Variants in CYGB observed in about 807,000 individuals in gnomAD.
CYGB encodes the protein histoglobin.
Under a neutral mutation model 20.7 loss-of-function variants are expected in CYGB, and 13 were observed. The ratio of observed to expected loss-of-function variants is 0.63; its 90% CI spans 0.41 to 1.00. The LOEUF (loss-of-function observed/expected upper bound fraction) is 1.00, where lower values mean the gene tolerates loss of function less well. CYGB is among the 50% of genes least tolerant of loss of function. The pLI, the probability that CYGB is intolerant of heterozygous loss-of-function variation, is 0.00. For missense variants in CYGB, 218 were observed against 257.2 expected (o/e 0.85, Z 1.04); for synonymous variants, 93 against 107.4 (o/e 0.87, Z 0.83).
At position 76,530,856 on chromosome 17, in the gene CYGB, G is replaced by T; in HGVS notation, c.539+123C>A. On this transcript the variant is annotated intron_variant, in intron 3 of 3. Coordinates refer to ENST00000293230, the MANE Select transcript of CYGB (RefSeq NM_134268.5). This position sits in a 1 kb window ranked among gnomAD's most constrained non-coding sequence, Gnocchi z 6.1. Reference sequence around the variant, plus strand: ...TCTTACATGTCAGACCCCAGGGTTGGCCTGCCTCAAGTGTGCCTGCCCAGG... The same window carrying T: ...TCTTACATGTCAGACCCCAGGGTTGTCCTGCCTCAAGTGTGCCTGCCCAGG... 2 of 1,129,448 alleles carry T rather than the reference G, an allele frequency of 1.8e-6. No homozygotes were observed. Among genetic ancestry groups the T allele is most frequent in the Non-Finnish European group, 2.5e-6 (2 of 813,998 alleles). The allele number at this position is 1,129,448 out of a possible 1,614,324, so 70.0% of individuals were successfully genotyped here.
chr17:76,540,260 G>GT (rs1413444581), upstream of CYGB: 6 of 933,108 alleles, frequency 6.4e-6, no homozygotes, highest in Admixed American at 1.0e-4. This position sits in a 1 kb window ranked among gnomAD's most constrained non-coding sequence, Gnocchi z 5.0. Context: ...TCGGGGGGGG[G>GT]GGGCATGGGG....
At chr17:76,538,447 G>A (rs1339653213), upstream of CYGB, 5 of 464,808 alleles carry the variant, frequency 1.1e-5, no homozygotes, top group African/African-American at 1.0e-4. Context: ...CCATGCCCTC[G>A]GTGCACGAAC....
At chr17:76,548,235 T>C (rs918308422) in intron 1 of CYGB, among the ~76,000 whole-genome samples, 6 of 151,614 alleles carry the variant, frequency 4.0e-5, no homozygotes, top group African/African-American at 1.5e-4. Context: ...ACACATAGCA[T>C]ACACATACAC....
In CYGB at chr17:76,530,051, G is replaced by C. The variant is rs924805867; in HGVS notation, c.539+928C>G. 2.6e-5 allele frequency: 26 copies of C among 985,312 alleles called. No homozygotes were observed. Among genetic ancestry groups the C allele is most frequent in the Non-Finnish European group, 2.8e-5 (23 of 829,932 alleles). 61.0% of individuals were successfully genotyped at this position (985,312 alleles called of 1,614,324 possible). A position where few individuals can be genotyped will look rare whatever the true frequency, so the allele number is the denominator to read the frequency against. ...GAACAGAAGGGCCGGCAGTCTTGGG[G>C]GCCCGTGCAGAGCCCGGCGGGAGAC... On this transcript the variant is annotated intron_variant, in intron 3 of 3. Transcript: ENST00000293230. The surrounding 1 kb of genome is among the most constrained non-coding windows in gnomAD (Gnocchi z 6.1).
At chr17:76,529,915 G>T (rs2074814713) in intron 3 of CYGB, 3 of 985,268 alleles carry the variant, frequency 3.0e-6, no homozygotes, top group Non-Finnish European at 3.6e-6. Flanking sequence ...ACGGGAGAGG[G>T]GGGAGGGGAG....
At chr17:76,529,010 T>G in intron 3 of CYGB, 1 of 995,338 alleles carries the variant, frequency 1.0e-6, no homozygotes, top group Non-Finnish European at 1.2e-6. Flanking sequence ...ATTCTCGTAT[T>G]CTCGGTACAC....
At chr17:76,536,474 G>C (rs1363384011) in intron 1 of CYGB, among the ~76,000 whole-genome samples, 1 of 152,172 alleles carries the variant, frequency 6.6e-6, no homozygotes, top group Non-Finnish European at 1.5e-5. Context: ...ATGGTCTGGG[G>C]CTCCTCTGCC....
At chr17:76,542,142 G>A (rs186587162), upstream of CYGB, among the ~76,000 whole-genome samples, 82 of 152,322 alleles carry the variant, frequency 5.4e-4, no homozygotes, top group African/African-American at 1.9e-3. Context: ...TGGCTAATGC[G>A]GGATGCTCAG....
At position 76,528,236 on chromosome 17, in the gene CYGB, G is replaced by A. The variant is rs564484579; in HGVS notation, c.*342C>T. ...TGATGTGGAGACCTGCATGCTGGCC[G>A]GGCTGATAGAAACGGGGCTGGTTTA... On this transcript the variant is annotated 3_prime_UTR_variant, in exon 4 of 4. Coordinates refer to ENST00000293230, the MANE Select transcript of CYGB (RefSeq NM_134268.5). This position sits in a 1 kb window ranked among gnomAD's most constrained non-coding sequence, Gnocchi z 5.8. 38 of 398,688 alleles carry A rather than the reference G, an allele frequency of 9.5e-5. No homozygotes were observed. In the East Asian group the frequency reaches 1.1e-3, roughly 11 times the overall value. 24.7% of individuals were successfully genotyped at this position (398,688 alleles called of 1,614,324 possible).
chr17:76,529,285 G>A (rs1018481474), intron 3 of CYGB: 1 of 985,294 alleles, frequency 1.0e-6, no homozygotes, highest in African/African-American at 1.7e-5. Context: ...AGGGATGAGG[G>A]GACCACCCCA....
upstream of CYGB, chr17:76,538,519 C>G (rs368994898): frequency 1.1e-5 from 5 of 466,082 alleles, no homozygotes; most frequent in South Asian, 3.1e-5. Flanking sequence ...CAAGAACCAG[C>G]CGCTGCCCTG....
intron 1 of CYGB, among the ~76,000 whole-genome samples, chr17:76,549,108 C>T (rs977326115): frequency 2.0e-5 from 3 of 152,164 alleles, no homozygotes; most frequent in African/African-American, 7.2e-5. Context: ...AAGCACTAAC[C>T]AGAAAAGAAA....
rs753379335 is a variant in CYGB, at chr17:76,528,812, T to C, written c.540-201A>G. ...GCTGTGTGATCTCAGGCAAGTCTAC[T>C]GGCCCATGGGAGCTCCGGATCTTTT... is the stretch of plus-strand genomic sequence containing the variant. On this transcript the variant is annotated intron_variant, in intron 3 of 3. Transcript: ENST00000293230. This position sits in a 1 kb window ranked among gnomAD's most constrained non-coding sequence, Gnocchi z 5.8. 36 of 1,118,586 alleles carry C rather than the reference T, an allele frequency of 3.2e-5. No individual in the cohort carries two copies. The highest frequency in any genetic ancestry group is 4.1e-5 in the Non-Finnish European group (36 of 881,978). The allele number at this position is 1,118,586 out of a possible 1,614,324, so 69.3% of individuals were successfully genotyped here.
rs902444184 is a variant in CYGB at position 76,528,461 on chromosome 17, T to G, written c.*117A>C. 1 of 995,264 alleles carries G rather than the reference T, an allele frequency of 1.0e-6. No homozygotes were observed. The highest frequency in any genetic ancestry group is 1.3e-6 in the Non-Finnish European group (1 of 752,250). The allele number at this position is 995,264 out of a possible 1,614,324, so 61.7% of individuals were successfully genotyped here. A position where few individuals can be genotyped will look rare whatever the true frequency, so the allele number is the denominator to read the frequency against. On this transcript the variant is annotated 3_prime_UTR_variant, in exon 4 of 4. Coordinates refer to ENST00000293230, the MANE Select transcript of CYGB (RefSeq NM_134268.5). The surrounding 1 kb of genome is among the most constrained non-coding windows in gnomAD (Gnocchi z 5.8). ...GCCACAGAGGCCTCCTTCGGGGAAG[T>G]TGAGTCAGGGATTCCTCCAGCTTCC...
At position 76,528,587 on chromosome 17, in the gene CYGB, C is replaced by T. The variant is rs376871878; in HGVS notation, c.564G>A (p.Ser188=). 7 of 1,286,302 alleles carry T rather than the reference C, an allele frequency of 5.4e-6. No homozygotes were observed. The highest frequency in any genetic ancestry group is 6.3e-5 in the South Asian group (2 of 31,644). 79.7% of individuals were successfully genotyped at this position (1,286,302 alleles called of 1,614,324 possible). The part of the protein sequence containing the change: ...ATTPPATLPS[S]GP Reference sequence around the variant, plus strand: ...GGTGGAGTTAGGGGTCCTACGGCCCCGAAGAGGGCAGTGTGGCCGGTGGGC... The same window carrying T: ...GGTGGAGTTAGGGGTCCTACGGCCCTGAAGAGGGCAGTGTGGCCGGTGGGC... The change falls in exon 4 of 4, where the codon TCG becomes TCA. Residue 188 remains serine, a synonymous_variant. Transcript: ENST00000293230. The surrounding 1 kb of genome is among the most constrained non-coding windows in gnomAD (Gnocchi z 5.8).
Position 76,531,772 on chromosome 17 carries a change from G to C in CYGB, c.144-81C>G. ...TGAAGCTTCCAGGATAGTGGGGGCT[G>C]AAGAAGTGGACCGCAGTGCTCCCCA... On this transcript the variant is annotated intron_variant, in intron 1 of 3. Transcript: ENST00000293230. The surrounding 1 kb of genome is among the most constrained non-coding windows in gnomAD (Gnocchi z 7.4). 1 of 1,191,672 alleles carries C rather than the reference G, an allele frequency of 8.4e-7. No individual in the cohort carries two copies. The highest frequency in any genetic ancestry group is 1.5e-5 in the South Asian group (1 of 68,600). The allele number at this position is 1,191,672 out of a possible 1,614,324, so 73.8% of individuals were successfully genotyped here.
At chr17:76,544,981 G>A in intron 1 of CYGB, 1 of 456,580 alleles carries the variant, frequency 2.2e-6, no homozygotes, top group Non-Finnish European at 4.4e-6. Flanking sequence ...GAGAGGAAGG[G>A]GCTGCTGGCG....
Position 76,528,925 on chromosome 17 carries a change from C to T in CYGB, c.540-314G>A. On this transcript the variant is annotated intron_variant, in intron 3 of 3. Coordinates refer to ENST00000293230, the MANE Select transcript of CYGB (RefSeq NM_134268.5). This position sits in a 1 kb window ranked among gnomAD's most constrained non-coding sequence, Gnocchi z 5.8. Reference sequence around the variant, plus strand: ...CTGCAAAGCACGATACCAATGTGAGCTCTTTTTCCATTAATTCTGAAACGT... The same window carrying T: ...CTGCAAAGCACGATACCAATGTGAGTTCTTTTTCCATTAATTCTGAAACGT... The T allele has an allele frequency of 2.6e-6, 3 of 1,158,228 alleles. No homozygotes were observed. Among genetic ancestry groups the T allele is most frequent in the Non-Finnish European group, 3.2e-6 (3 of 941,842 alleles). 71.7% of individuals were successfully genotyped at this position (1,158,228 alleles called of 1,614,324 possible).
intron 1 of CYGB, chr17:76,545,543 G>A: frequency 2.8e-6 from 1 of 353,364 alleles, no homozygotes; most frequent in Non-Finnish European, 5.6e-6. Flanking sequence ...GCTGGCTACT[G>A]TGAAATAACA....
Sources: allele counts gnomAD v4.1 joint callset (sites outside exome capture counted in the v4.1 genomes callset), GRCh38; gene constraint gnomAD v4.1.1; non-coding constraint Gnocchi (gnomAD v3.1); transcripts MANE v1.5; gene names NCBI Gene and HGNC (gene_info 2026-07-23, HGNC 2026-07-21).